The following RIT2 variants were observed in gnomAD, a reference collection of about 807,000 sequenced individuals.
The protein encoded by RIT2 is GTP-binding protein Rit2.
RIT2 carries 24 observed loss-of-function variants against 23.7 expected under a neutral mutation model. That is an observed-to-expected ratio of 1.01 (90% CI 0.73 to 1.43). The LOEUF is 1.43. Ranked by LOEUF, RIT2 falls within the 40% of genes most tolerant of loss-of-function variation. The pLI, the probability that RIT2 is intolerant of heterozygous loss-of-function variation, is 0.00. For synonymous variants in RIT2, 107 were observed against 91.1 expected (o/e 1.17, Z -0.99); for missense variants, 236 against 266.9 (o/e 0.88, Z 0.81).
chr18:42,848,532 G>T (rs931474174), intron 4 of RIT2, among the ~76,000 whole-genome samples: 1 of 152,116 alleles, frequency 6.6e-6, no homozygotes, highest in Admixed American at 6.5e-5. Flanking sequence ...CTGCAGGATT[G>T]TATATGTATT....
intron 4 of RIT2, among the ~76,000 whole-genome samples, chr18:42,801,683 A>G (rs1468256201): frequency 1.3e-5 from 2 of 152,182 alleles, no homozygotes; most frequent in Non-Finnish European, 2.9e-5. Flanking sequence ...ATAAGCTACA[A>G]ATAGCTAACT....
At chr18:42,862,137 A>G (rs910149436) in intron 4 of RIT2, among the ~76,000 whole-genome samples, 1 of 152,228 alleles carries the variant, frequency 6.6e-6, no homozygotes, top group East Asian at 1.9e-4. Context: ...TGCAATCCCC[A>G]TGTACTAAGG....
At chr18:42,782,312 T>C (rs1025616989) in intron 4 of RIT2, among the ~76,000 whole-genome samples, 5 of 152,172 alleles carry the variant, frequency 3.3e-5, no homozygotes, top group African/African-American at 1.2e-4. Context: ...CTCTTATTCC[T>C]TAGTGTTATA....
At chr18:43,080,761 C>G (rs1391937776) in intron 1 of RIT2, among the ~76,000 whole-genome samples, 1 of 152,162 alleles carries the variant, frequency 6.6e-6, no homozygotes, top group Non-Finnish European at 1.5e-5. Flanking sequence ...CCCAAGGCAG[C>G]CATTCAGTGA....
chr18:42,811,748 A>T (rs1043922400), intron 4 of RIT2, among the ~76,000 whole-genome samples: 4 of 152,114 alleles, frequency 2.6e-5, no homozygotes, highest in South Asian at 2.1e-4. Context: ...TTTGCAAAGC[A>T]TGACAAGGTG....
chr18:42,874,921 G>T (rs1256133678), intron 4 of RIT2, among the ~76,000 whole-genome samples: 1 of 152,114 alleles, frequency 6.6e-6, no homozygotes, highest in Non-Finnish European at 1.5e-5. Flanking sequence ...ACACTGCAGA[G>T]CCAGGAATGT....
intron 4 of RIT2, among the ~76,000 whole-genome samples, chr18:42,889,890 A>C (rs2144091858): frequency 1.3e-5 from 2 of 152,182 alleles, no homozygotes; most frequent in Non-Finnish European, 2.9e-5. Flanking sequence ...GATAAGAATC[A>C]CCATTCATTT....
At chr18:42,937,270 C>T (rs577359849) in intron 3 of RIT2, among the ~76,000 whole-genome samples, 1 of 152,136 alleles carries the variant, frequency 6.6e-6, no homozygotes, top group Non-Finnish European at 1.5e-5. Context: ...CATTTTTTTC[C>T]TATCCTCATG....
chr18:43,083,889 CT>C (rs1913217802), intron 1 of RIT2, among the ~76,000 whole-genome samples: 1 of 152,096 alleles, frequency 6.6e-6, no homozygotes, highest in Non-Finnish European at 1.5e-5. Flanking sequence ...CAAATGAGAT[CT>C]AATTAAATGA....
chr18:42,894,493 TA>T (rs1398967717), intron 4 of RIT2, among the ~76,000 whole-genome samples: 1 of 152,174 alleles, frequency 6.6e-6, no homozygotes, highest in Non-Finnish European at 1.5e-5. Flanking sequence ...ACACTTAATA[TA>T]AGTACATTTA....
chr18:42,987,633 T>A (rs1251650004), intron 2 of RIT2, among the ~76,000 whole-genome samples: 1 of 152,172 alleles, frequency 6.6e-6, no homozygotes, highest in Non-Finnish European at 1.5e-5. Flanking sequence ...ATTCATACCA[T>A]CCCTAAATTA....
intron 4 of RIT2, among the ~76,000 whole-genome samples, chr18:42,772,455 T>C (rs1398949611): frequency 1.3e-5 from 2 of 151,948 alleles, no homozygotes; most frequent in African/African-American, 4.8e-5. Flanking sequence ...CCTTTTGTTC[T>C]CAAGCACATA....
rs557504627 is a variant in RIT2, at chr18:42,991,835, G to A, written c.161-17688C>T. Among the ~76,000 whole-genome samples the A allele has an allele frequency of 7.3e-5, 11 of 151,354 alleles. No homozygotes were observed. In the South Asian group the frequency reaches 1.9e-3, roughly 26 times the overall value. On this transcript the variant is annotated intron_variant, in intron 2 of 4. Transcript: ENST00000326695. ...CTACCTACCCAAATCTTATAAAATG[G>A]CCCCACCCCATCTCCCTTCGCTGAC...
chr18:43,089,291 C>T lies in RIT2; in HGVS notation c.103+26126G>A, dbSNP rs115362853. On this transcript the variant is annotated intron_variant, in intron 1 of 4. Transcript: ENST00000326695. ...GTGCGAAAATCAACAACAATGAAGC[C>T]GAGAGCCAAATCAGTAACACAATCA... Among the ~76,000 whole-genome samples the T allele has an allele frequency of 3.5e-3, 532 of 151,622 alleles. 3 individuals carry two copies. The highest frequency in any genetic ancestry group is 0.012 in the African/African-American group (503 of 41,428).
intron 4 of RIT2, among the ~76,000 whole-genome samples, chr18:42,877,099 A>T (rs1191283770): frequency 2.0e-5 from 3 of 151,902 alleles, no homozygotes; most frequent in Non-Finnish European, 4.4e-5. Context: ...TCATTTTTAT[A>T]GTTTCAATTT....
intron 1 of RIT2, among the ~76,000 whole-genome samples, chr18:43,084,119 C>A (rs1913224200): frequency 6.6e-6 from 1 of 152,088 alleles, no homozygotes; most frequent in African/African-American, 2.4e-5. Context: ...ATGCAGTCAA[C>A]ACACATAGGA....
At chr18:42,925,058 A>G (rs1909147036) in intron 3 of RIT2, among the ~76,000 whole-genome samples, 1 of 152,108 alleles carries the variant, frequency 6.6e-6, no homozygotes, top group Non-Finnish European at 1.5e-5. Flanking sequence ...AGACTTGTCC[A>G]AAGACCAACA....
chr18:42,923,553 A>C lies in RIT2; in HGVS notation c.426+19T>G. 1 of 1,607,450 alleles carries C rather than the reference A, an allele frequency of 6.2e-7. No individual in the cohort carries two copies. Among genetic ancestry groups the C allele is most frequent in the Non-Finnish European group, 8.5e-7 (1 of 1,175,012 alleles). On this transcript the variant is annotated intron_variant, in intron 4 of 4. Transcript: ENST00000326695. ...CTCAGAGCAAAAGACAGAAGCTACC[A>C]GATAAAATCGGCACTCACCTGGCGG...
intron 4 of RIT2, among the ~76,000 whole-genome samples, chr18:42,760,925 T>C (rs536085077): frequency 3.3e-5 from 5 of 152,338 alleles, no homozygotes; most frequent in Admixed American, 2.0e-4. Flanking sequence ...TGATTAGATA[T>C]TCTAATATAG....
Sources: gnomAD v4.1 joint callset for allele counts (sites outside exome capture counted in the v4.1 genomes callset) on GRCh38, gnomAD v4.1.1 for gene constraint, MANE v1.5 for transcripts, NCBI Gene and HGNC (gene_info 2026-07-23, HGNC 2026-07-21) for gene names.